Variants in MFHAS1 observed in about 807,000 individuals in gnomAD.
MFHAS1 encodes the protein multifunctional ROCO family signaling regulator 1, also known as malignant fibrous histiocytoma-amplified sequence 1.
Under a neutral mutation model 70.4 loss-of-function variants are expected in MFHAS1, and 50 were observed. The observed-to-expected ratio is 0.71, with a 90% confidence interval of 0.57 to 0.90. The LOEUF is 0.90. MFHAS1 is among the 40% of genes least tolerant of loss of function. The pLI is 0.00. For synonymous variants in MFHAS1, 952 were observed against 620.0 expected (o/e 1.54, Z -7.96); for missense variants, 1,795 against 1,347.6 (o/e 1.33, Z -5.20).
intron 1 of MFHAS1, among the ~76,000 whole-genome samples, chr8:8,865,788 G>T (rs554524102): frequency 6.6e-5 from 10 of 152,340 alleles, no homozygotes; most frequent in Admixed American, 3.9e-4. Flanking sequence ...AACACTTAGT[G>T]TCTTAGAAGA....
intron 1 of MFHAS1, among the ~76,000 whole-genome samples, chr8:8,828,029 A>G (rs1482292791): frequency 6.6e-6 from 1 of 152,100 alleles, no homozygotes; most frequent in Non-Finnish European, 1.5e-5. Flanking sequence ...TTATTGATGA[A>G]TTTACTTCCC....
chr8:8,889,263 G>A (rs1809893514), intron 1 of MFHAS1, among the ~76,000 whole-genome samples: 1 of 152,118 alleles, frequency 6.6e-6, no homozygotes, highest in Admixed American at 6.5e-5. Context: ...AAACTGCCAG[G>A]AAATTCCCGA....
At chr8:8,844,002 G>T (rs1457731762) in intron 1 of MFHAS1, among the ~76,000 whole-genome samples, 3 of 152,108 alleles carry the variant, frequency 2.0e-5, no homozygotes, top group Non-Finnish European at 4.4e-5. Context: ...CTGTTCTCTG[G>T]GACTCTACCT....
intron 1 of MFHAS1, among the ~76,000 whole-genome samples, chr8:8,868,488 C>A (rs1026744284): frequency 6.6e-6 from 1 of 151,440 alleles, no homozygotes; most frequent in Non-Finnish European, 1.5e-5. Flanking sequence ...GGAACCAGCC[C>A]TTGGTAGACA....
intron 1 of MFHAS1, among the ~76,000 whole-genome samples, chr8:8,804,415 A>G (rs1234002805): frequency 6.6e-6 from 1 of 152,204 alleles, no homozygotes; most frequent in Middle Eastern, 3.2e-3. Flanking sequence ...AAAAACAAAC[A>G]AACAAAAAAA....
At chr8:8,881,221 T>C (rs116572260) in intron 1 of MFHAS1, among the ~76,000 whole-genome samples, 4,238 of 152,266 alleles carry the variant, frequency 0.028, 193 homozygotes, top group African/African-American at 0.095. Context: ...AGCTAAGAGA[T>C]TGAGGAAGGA....
chr8:8,818,818 G>C (rs11986429), intron 1 of MFHAS1, among the ~76,000 whole-genome samples: 2 of 152,274 alleles, frequency 1.3e-5, no homozygotes, highest in African/African-American at 4.8e-5. Context: ...TAAAGTCCCT[G>C]TCGCTATCAT....
At chr8:8,860,008 G>A (rs1808601139) in intron 1 of MFHAS1, 1 of 152,122 alleles carries the variant, frequency 6.6e-6, no homozygotes, top group Non-Finnish European at 1.5e-5. Context: ...GAGGATTTAG[G>A]ATCTGAAACA....
chr8:8,857,721 A>G (rs1368933899), intron 1 of MFHAS1, among the ~76,000 whole-genome samples: 1 of 151,862 alleles, frequency 6.6e-6, no homozygotes, highest in Non-Finnish European at 1.5e-5. Flanking sequence ...GATCGCACCA[A>G]GGCACTCTAG....
chr8:8,859,802 T>G (rs1315807890), intron 1 of MFHAS1, among the ~76,000 whole-genome samples: 1 of 152,208 alleles, frequency 6.6e-6, no homozygotes, highest in Admixed American at 6.5e-5. Context: ...AGGCTATTAG[T>G]AGTTAAATTC....
intron 1 of MFHAS1, among the ~76,000 whole-genome samples, chr8:8,883,433 C>T (rs896798606): frequency 7.4e-5 from 11 of 149,034 alleles, no homozygotes; most frequent in Middle Eastern, 3.6e-3. Context: ...ATGGGCCAGG[C>T]GCAGTGGCTC....
At chr8:8,885,779 A>G (rs1186669956) in intron 1 of MFHAS1, among the ~76,000 whole-genome samples, 1 of 152,202 alleles carries the variant, frequency 6.6e-6, no homozygotes, top group East Asian at 1.9e-4. Flanking sequence ...GCACAATCTC[A>G]GCTCACTGCA....
At chr8:8,860,264 A>G (rs1244629823) in intron 1 of MFHAS1, among the ~76,000 whole-genome samples, 1 of 152,196 alleles carries the variant, frequency 6.6e-6, no homozygotes, top group Non-Finnish European at 1.5e-5. Context: ...TTGGTGGCAG[A>G]TGCCCAAAGA....
intron 1 of MFHAS1, among the ~76,000 whole-genome samples, chr8:8,835,224 G>A (rs1359023393): frequency 2.0e-5 from 3 of 152,196 alleles, no homozygotes; most frequent in Non-Finnish European, 2.9e-5. Context: ...GTGAATGCAT[G>A]TCAAAACCCA....
At chr8:8,839,523 T>C (rs1208808219) in intron 1 of MFHAS1, among the ~76,000 whole-genome samples, 2 of 152,144 alleles carry the variant, frequency 1.3e-5, no homozygotes, top group Non-Finnish European at 2.9e-5. Context: ...ATTATGAAAT[T>C]AGTGACTGTG....
intron 1 of MFHAS1, among the ~76,000 whole-genome samples, chr8:8,885,791 C>A (rs1022092789): frequency 2.0e-5 from 3 of 152,346 alleles, no homozygotes; most frequent in African/African-American, 4.8e-5. Flanking sequence ...CTCACTGCAA[C>A]CTCCGCCTCC....
intron 1 of MFHAS1, among the ~76,000 whole-genome samples, chr8:8,816,450 T>C (rs1806749476): frequency 6.6e-6 from 1 of 152,144 alleles, no homozygotes; most frequent in Non-Finnish European, 1.5e-5. Context: ...GCGGGACAAA[T>C]TTCACTGATC....
chr8:8,846,604 T>C (rs1434381998), intron 1 of MFHAS1, among the ~76,000 whole-genome samples: 1 of 152,056 alleles, frequency 6.6e-6, no homozygotes, highest in East Asian at 1.9e-4. Context: ...GGCACCTCTC[T>C]GATCTCTTTT....
intron 1 of MFHAS1, among the ~76,000 whole-genome samples, chr8:8,818,596 T>C (rs1376590572): frequency 6.6e-6 from 1 of 152,204 alleles, no homozygotes; most frequent in East Asian, 1.9e-4. Flanking sequence ...ATATGGACCT[T>C]ATAGGAACAC....
Sources: allele counts gnomAD v4.1 joint callset (sites outside exome capture counted in the v4.1 genomes callset), GRCh38; gene constraint gnomAD v4.1.1; transcripts MANE v1.5; gene names NCBI Gene and HGNC (gene_info 2026-07-23, HGNC 2026-07-21).